Variants in DNAH5 observed in about 807,000 individuals in gnomAD.
DNAH5 encodes dynein axonemal heavy chain 5.
In DNAH5, 372 loss-of-function variants were observed where a neutral mutation model predicts 518.2. That is an observed-to-expected ratio of 0.72 (90% CI 0.66 to 0.78). The LOEUF (loss-of-function observed/expected upper bound fraction) is 0.78, where lower values mean the gene tolerates loss of function less well. Ranked by LOEUF, DNAH5 falls within the 30% of genes least tolerant of loss-of-function variation. DNAH5 has a pLI of 0.00. For missense variants in DNAH5, 5,523 were observed against 5,687.0 expected, an observed-to-expected ratio of 0.97 and a Z score of 0.93; for synonymous variants, 2,039 against 2,025.9, an observed-to-expected ratio of 1.01 and a Z score of -0.17.
intron 78 of DNAH5, among the ~76,000 whole-genome samples, chr5:13,695,632 C>T (rs574926385): frequency 6.6e-6 from 1 of 152,240 alleles, no homozygotes; most frequent in South Asian, 2.1e-4. Flanking sequence ...GGCAAATTAC[C>T]CAGTGTCTCC....
chr5:13,723,186 A>C (rs1311172807), intron 70 of DNAH5, among the ~76,000 whole-genome samples: 1 of 152,236 alleles, frequency 6.6e-6, no homozygotes, highest in African/African-American at 2.4e-5. Context: ...CTTGCATATA[A>C]AAGCCTACAT....
intron 1 of DNAH5, among the ~76,000 whole-genome samples, chr5:13,993,870 G>T (rs1783738942): frequency 6.6e-6 from 1 of 152,220 alleles, no homozygotes; most frequent in African/African-American, 2.4e-5. Context: ...GGCTAAGGGT[G>T]CAAGATCACC....
chr5:13,871,675 T>G lies in DNAH5; in HGVS notation c.3487A>C (p.Ser1163Arg), dbSNP rs774760728. 8 of 1,613,714 alleles carry G rather than the reference T, an allele frequency of 5.0e-6. No individual in the cohort carries two copies. The Admixed American group carries it at 1.3e-4, about 27-fold the overall frequency. Residue 1163 changes from serine to arginine, a missense_variant, in exon 23 of 79, where the codon AGC becomes CGC. Physicochemically the swap from Ser to Arg is moderately radical, Grantham distance 110. This residue lies in a region of DNAH5 where 5,121 missense variants were observed against 5,223.3 expected (regional missense o/e 0.98). Coordinates refer to ENST00000265104, the MANE Select transcript of DNAH5 (RefSeq NM_001369.3). ...EEAIKTFITQ[S>R]PLLSEFESQI... Reference sequence around the variant, plus strand: ...GACTCAAATTCAGAAAGCAAGGGGCTCTGTGTAATAAATGTCTTAATGGCT... The same window carrying G: ...GACTCAAATTCAGAAAGCAAGGGGCGCTGTGTAATAAATGTCTTAATGGCT...
In DNAH5 at chr5:13,735,120, C is replaced by T. The variant is rs780385251; in HGVS notation, c.11761+11G>A. ...GCACCTGTGCGCTATAGTCTCTATT[C>T]TTATATTGACCTTTAATAAGAGTGA... is the stretch of plus-strand genomic sequence containing the variant. On this transcript the variant is annotated intron_variant, in intron 68 of 78. Transcript: ENST00000265104. 1.9e-6 allele frequency: 3 copies of T among 1,613,452 alleles called. No individual in the cohort carries two copies. Among genetic ancestry groups the T allele is most frequent in the South Asian group, 1.1e-5 (1 of 91,048 alleles).
At chr5:13,959,990 C>T (rs2152045332) in intron 1 of DNAH5, among the ~76,000 whole-genome samples, 1 of 151,964 alleles carries the variant, frequency 6.6e-6, no homozygotes, top group Middle Eastern at 3.4e-3. Context: ...TTCCTCATGA[C>T]TGAGTCCAGG....
At chr5:13,804,940 G>A (rs549521772) in intron 47 of DNAH5, among the ~76,000 whole-genome samples, 10 of 152,282 alleles carry the variant, frequency 6.6e-5, no homozygotes, top group African/African-American at 2.4e-4. Flanking sequence ...ATACCTGGCA[G>A]AGATAAATGT....
chr5:13,784,169 T>C (rs1010006540), intron 52 of DNAH5, among the ~76,000 whole-genome samples: 1 of 152,206 alleles, frequency 6.6e-6, no homozygotes, highest in African/African-American at 2.4e-5. Context: ...ACTTGAGCTA[T>C]GAAATCCCAG....
intron 24 of DNAH5, among the ~76,000 whole-genome samples, chr5:13,870,439 T>C (rs889969810): frequency 3.9e-5 from 6 of 152,204 alleles, no homozygotes; most frequent in Admixed American, 3.3e-4. Context: ...AGAGTGCCCA[T>C]GGGATCAGGC....
chr5:13,798,054 G>C (rs531352425), intron 47 of DNAH5, among the ~76,000 whole-genome samples: 1 of 151,626 alleles, frequency 6.6e-6, no homozygotes, highest in East Asian at 1.9e-4. Flanking sequence ...GGGCCTGTCT[G>C]GGGGTGGGGG....
At chr5:13,989,120 A>C (rs1164523291) in intron 1 of DNAH5, among the ~76,000 whole-genome samples, 1 of 152,190 alleles carries the variant, frequency 6.6e-6, no homozygotes, top group Non-Finnish European at 1.5e-5. Context: ...CAAGAAAAGC[A>C]GAAAGAGCCG....
At chr5:13,962,061 T>C (rs1289790651) in intron 1 of DNAH5, among the ~76,000 whole-genome samples, 6 of 152,216 alleles carry the variant, frequency 3.9e-5, no homozygotes, top group Admixed American at 6.5e-5. Flanking sequence ...ATATTTAACA[T>C]ATACAATTTC....
At chr5:13,980,965 C>T (rs761678072) in intron 1 of DNAH5, among the ~76,000 whole-genome samples, 1 of 152,226 alleles carries the variant, frequency 6.6e-6, no homozygotes, top group Non-Finnish European at 1.5e-5. Flanking sequence ...CTCTCAAGTC[C>T]TTCAGGTCCC....
In DNAH5 at chr5:13,751,125, C is replaced by G; in HGVS notation, c.11164G>C (p.Gly3722Arg). The change falls in exon 65 of 79, where the codon GGT becomes CGT. Residue 3722 changes from glycine to arginine, a missense_variant. Transcript: ENST00000265104. ...SIIDFTVTMK[G>R]LEDQLLGRVI... is the part of the protein sequence containing the mutation. ...CTCCCCAGTAACTGATCTTCTAGAC[C>G]TTTCATGGTGACAGTGAAGTCAATG... 1.2e-6 allele frequency: 2 copies of G among 1,613,988 alleles called. No homozygotes were observed. Among genetic ancestry groups the G allele is most frequent in the Non-Finnish European group, 1.7e-6 (2 of 1,179,918 alleles).
At chr5:13,941,123 C>T (rs1030937603) in intron 1 of DNAH5, among the ~76,000 whole-genome samples, 69 of 152,132 alleles carry the variant, frequency 4.5e-4, no homozygotes, top group African/African-American at 1.6e-3. Flanking sequence ...GAGGCTGAGG[C>T]GGGAGGATTG....
chr5:13,830,000 C>T, intron 37 of DNAH5, 26 bp downstream of exon 37: 2 of 1,600,650 alleles, frequency 1.2e-6, no homozygotes, highest in Non-Finnish European at 8.5e-7. Flanking sequence ...GGCTGAAATT[C>T]AGTAGCTTTT....
intron 32 of DNAH5, among the ~76,000 whole-genome samples, chr5:13,844,476 T>C (rs1765691629): frequency 6.6e-6 from 1 of 152,080 alleles, no homozygotes; most frequent in South Asian, 2.1e-4. Context: ...AAAACCAGAT[T>C]AAAACAATTA....
intron 47 of DNAH5, among the ~76,000 whole-genome samples, chr5:13,794,799 A>G (rs559548837): frequency 9.2e-5 from 14 of 152,136 alleles, no homozygotes; most frequent in African/African-American, 3.4e-4. Context: ...CCCTGTCTCT[A>G]CTAAAAATAC....
At chr5:13,718,363 A>C (rs1744586569) in intron 72 of DNAH5, among the ~76,000 whole-genome samples, 1 of 152,190 alleles carries the variant, frequency 6.6e-6, no homozygotes. Flanking sequence ...TTTCATGACC[A>C]CAAGCCCCAT....
chr5:13,766,085 T>G lies in DNAH5; in HGVS notation c.9992A>C (p.Gln3331Pro). 1 of 1,614,168 alleles carries G rather than the reference T, an allele frequency of 6.2e-7. No homozygotes were observed. Among genetic ancestry groups the G allele is most frequent in the Non-Finnish European group, 8.5e-7 (1 of 1,180,022 alleles). Residue 3331 changes from glutamine to proline, a missense_variant, in exon 59 of 79, where the codon CAA (glutamine) becomes CCA (proline). Physicochemically the swap from Gln to Pro is moderately conservative, Grantham distance 76 (BLOSUM62 -1). Coordinates refer to ENST00000265104, the MANE Select transcript of DNAH5 (RefSeq NM_001369.3). ...RIMDCVLLLF[Q>P]RKVSAVKIDL... ...AATTTTCACAGCACTGACTTTCCTTTGAAACAGCAGCAGTACGCAATCCAT... is the reference window on the plus strand; with the variant it reads ...AATTTTCACAGCACTGACTTTCCTTGGAAACAGCAGCAGTACGCAATCCAT...
Sources: gnomAD v4.1 joint callset for allele counts (sites outside exome capture counted in the v4.1 genomes callset) on GRCh38, gnomAD v4.1.1 for gene constraint, gnomAD v4.1.1 regional missense constraint, MANE v1.5 for transcripts, NCBI Gene and HGNC (gene_info 2026-07-23, HGNC 2026-07-21) for gene names.